The following RTN4IP1 variants were observed in gnomAD, a reference collection of about 807,000 sequenced individuals.
RTN4IP1 encodes the protein NAD(P)H oxidoreductase RTN4IP1, mitochondrial.
Under a neutral mutation model 46.6 loss-of-function variants are expected in RTN4IP1, and 32 were observed. The ratio of observed to expected loss-of-function variants is 0.69; its 90% CI spans 0.52 to 0.92. The LOEUF (loss-of-function observed/expected upper bound fraction) is 0.92. Ranked by LOEUF, RTN4IP1 falls within the 40% of genes least tolerant of loss-of-function variation. RTN4IP1 has a pLI of 0.00. For missense variants in RTN4IP1, 424 were observed against 485.8 expected (o/e 0.87, Z 1.20); for synonymous variants, 167 against 161.8 (o/e 1.03, Z -0.24).
intron 5 of RTN4IP1, among the ~76,000 whole-genome samples, chr6:106,601,841 C>T (rs184940720): frequency 1.6e-4 from 25 of 152,168 alleles, no homozygotes; most frequent in Admixed American, 7.8e-4. Context: ...GAACTCCCGA[C>T]CTCAAGTGAT....
intron 4 of RTN4IP1, among the ~76,000 whole-genome samples, chr6:106,614,555 CA>C (rs1474011405): frequency 6.6e-6 from 1 of 152,090 alleles, no homozygotes; most frequent in Non-Finnish European, 1.5e-5. Flanking sequence ...GGGAAAACAG[CA>C]CATTTAAAGG....
chr6:106,581,683 T>C (rs1353049850), intron 8 of RTN4IP1, among the ~76,000 whole-genome samples: 1 of 152,222 alleles, frequency 6.6e-6, no homozygotes, highest in Non-Finnish European at 1.5e-5. Flanking sequence ...TTTTTTGTTG[T>C]TGTTTATCAT....
At chr6:106,584,293 C>T (rs537944347) in intron 7 of RTN4IP1, among the ~76,000 whole-genome samples, 2 of 152,256 alleles carry the variant, frequency 1.3e-5, no homozygotes, top group East Asian at 1.9e-4. Flanking sequence ...AAACAGCAAA[C>T]GAGCTGAGGT....
upstream of RTN4IP1, chr6:106,629,700 C>G (rs1349010500): frequency 6.2e-7 from 1 of 1,606,354 alleles, no homozygotes; most frequent in Non-Finnish European, 8.5e-7. Context: ...CCGGAGCCTC[C>G]GAGAAGTGAG....
At chr6:106,578,746 C>T (rs866604158) in intron 8 of RTN4IP1, among the ~76,000 whole-genome samples, 2 of 152,120 alleles carry the variant, frequency 1.3e-5, no homozygotes, top group Non-Finnish European at 2.9e-5. Flanking sequence ...CAGAGCAGCT[C>T]CTCCTCTGCC....
intron 4 of RTN4IP1, among the ~76,000 whole-genome samples, chr6:106,603,484 T>TA (rs1448245766): frequency 6.6e-6 from 1 of 152,144 alleles, no homozygotes; most frequent in African/African-American, 2.4e-5. Flanking sequence ...TGCATGTTCT[T>TA]ACCATGTTAA....
At chr6:106,572,338 C>G (rs1775090271) in intron 8 of RTN4IP1, 2 of 513,574 alleles carry the variant, frequency 3.9e-6, no homozygotes, top group African/African-American at 1.9e-5. Flanking sequence ...TACTTCTCCT[C>G]CATGCTGGTC....
chr6:106,585,872 A>C (rs1004449759), intron 7 of RTN4IP1, among the ~76,000 whole-genome samples: 5 of 152,246 alleles, frequency 3.3e-5, no homozygotes, highest in African/African-American at 1.2e-4. Context: ...ACTGGAGTAC[A>C]AACTGAAATC....
At chr6:106,619,606 A>ATT (rs869120910) in intron 3 of RTN4IP1, among the ~76,000 whole-genome samples, 1,498 of 110,344 alleles carry the variant, frequency 0.014, 8 homozygotes, top group Non-Finnish European at 0.017. Context: ...ACTTTTCTTC[A>ATT]TTTTTTTTTT....
At chr6:106,628,192 G>A (rs902213554) in intron 1 of RTN4IP1, among the ~76,000 whole-genome samples, 4 of 152,004 alleles carry the variant, frequency 2.6e-5, no homozygotes, top group Admixed American at 2.0e-4. Flanking sequence ...AACATAGGCA[G>A]GGCGCAATGG....
chr6:106,601,903 G>C (rs1458337590), intron 5 of RTN4IP1, among the ~76,000 whole-genome samples: 1 of 152,156 alleles, frequency 6.6e-6, no homozygotes, highest in Non-Finnish European at 1.5e-5. Context: ...GAACCACCAT[G>C]CCTGACCTTG....
rs1174748842 is a variant in RTN4IP1 at position 106,618,002 on chromosome 6, G to A, written c.620+1200C>T. On this transcript the variant is annotated intron_variant, in intron 4 of 8. Coordinates refer to ENST00000369063, the MANE Select transcript of RTN4IP1 (RefSeq NM_032730.5). ...AAAACTAATTTAATTTAAACAAAGT[G>A]TTGACCAAAATGGCAACTTCAAGAA... is the stretch of plus-strand genomic sequence containing the variant. Among the ~76,000 whole-genome samples the A allele has an allele frequency of 2.6e-5, 4 of 152,172 alleles. No individual in the cohort carries two copies. The South Asian group carries it at 8.3e-4, about 31-fold the overall frequency.
chr6:106,604,152 A>G (rs1205727696), intron 4 of RTN4IP1, among the ~76,000 whole-genome samples: 1 of 152,176 alleles, frequency 6.6e-6, no homozygotes, highest in Non-Finnish European at 1.5e-5. Flanking sequence ...CATTCTATCT[A>G]TAACCTTCAC....
chr6:106,585,078 T>G (rs1775452500), intron 7 of RTN4IP1, among the ~76,000 whole-genome samples: 4 of 152,226 alleles, frequency 2.6e-5, no homozygotes, highest in Admixed American at 2.6e-4. Context: ...TTTGTTCATC[T>G]CTATTACCCA....
At chr6:106,618,737 T>G (rs1262942663) in intron 4 of RTN4IP1, among the ~76,000 whole-genome samples, 1 of 152,214 alleles carries the variant, frequency 6.6e-6, no homozygotes. Context: ...AACTTAAGAA[T>G]ATTCAATAGT....
intron 8 of RTN4IP1, among the ~76,000 whole-genome samples, chr6:106,580,909 G>T (rs1775355283): frequency 6.6e-6 from 1 of 150,710 alleles, no homozygotes; most frequent in Admixed American, 6.6e-5. Flanking sequence ...CAAATACTAT[G>T]TAGCTGTTAA....
At chr6:106,580,683 C>A (rs1312643180) in intron 8 of RTN4IP1, among the ~76,000 whole-genome samples, 1 of 148,562 alleles carries the variant, frequency 6.7e-6, no homozygotes, top group East Asian at 2.0e-4. Context: ...CACACCACTG[C>A]ACTCCAGCCT....
chr6:106,601,022 G>C (rs1775934351), intron 5 of RTN4IP1, among the ~76,000 whole-genome samples: 1 of 152,054 alleles, frequency 6.6e-6, no homozygotes, highest in Non-Finnish European at 1.5e-5. Flanking sequence ...CTCCCACAAT[G>C]TCTGCACCAT....
At chr6:106,592,626 T>C (rs556776899) in intron 5 of RTN4IP1, among the ~76,000 whole-genome samples, 36 of 151,938 alleles carry the variant, frequency 2.4e-4, no homozygotes, top group African/African-American at 8.2e-4. Context: ...AAGACAGGAG[T>C]TGAAAGCCTC....
Sources: allele counts gnomAD v4.1 joint callset (sites outside exome capture counted in the v4.1 genomes callset), GRCh38; gene constraint gnomAD v4.1.1; transcripts MANE v1.5; gene names NCBI Gene and HGNC (gene_info 2026-07-23, HGNC 2026-07-21).